Variants in GPBP1L1 observed in about 807,000 individuals in gnomAD.
GPBP1L1 encodes the protein GC-rich promoter binding protein 1 like 1.
In GPBP1L1, 23 loss-of-function variants were observed where a neutral mutation model predicts 52.5. The observed-to-expected ratio is 0.44, with a 90% CI of 0.32 to 0.62. GPBP1L1 has a LOEUF of 0.62. Ranked by LOEUF, GPBP1L1 falls within the 20% of genes least tolerant of loss-of-function variation. The probability of loss-of-function intolerance (pLI) is 0.06; values close to 1 mark genes in which losing one functional copy is unlikely to be tolerated. For synonymous variants in GPBP1L1, 243 were observed against 203.1 expected, an observed-to-expected ratio of 1.20 and a Z score of -1.67; for missense variants, 596 against 579.3, an observed-to-expected ratio of 1.03 and a Z score of -0.30.
chr1:45,673,544 A>G (rs983499515), intron 2 of GPBP1L1, among the ~76,000 whole-genome samples: 2 of 152,214 alleles, frequency 1.3e-5, no homozygotes, highest in Non-Finnish European at 2.9e-5. Context: ...ACTGTGGTTG[A>G]AAGATACACA....
At chr1:45,652,167 CAACAAAG>C (rs1426913095) in intron 6 of GPBP1L1, among the ~76,000 whole-genome samples, 1 of 152,210 alleles carries the variant, frequency 6.6e-6, no homozygotes, top group African/African-American at 2.4e-5. Flanking sequence ...CCAGTTGTGA[CAACAAAG>C]ATGTCTCCAT....
intron 6 of GPBP1L1, chr1:45,646,199 G>C (rs1644743709): frequency 3.4e-6 from 1 of 293,916 alleles, no homozygotes; most frequent in Non-Finnish European, 6.6e-6. Flanking sequence ...ACACACCATT[G>C]TGGCAGCGCG....
chr1:45,658,969 A>G (rs911402664), intron 4 of GPBP1L1, 59 bp downstream of exon 4: 2 of 1,239,078 alleles, frequency 1.6e-6, no homozygotes, highest in Non-Finnish European at 2.4e-6. Flanking sequence ...AAAAACAACC[A>G]AAACCACCCC....
At chr1:45,653,495 G>A (rs1569823568) in intron 6 of GPBP1L1, among the ~76,000 whole-genome samples, 1 of 151,838 alleles carries the variant, frequency 6.6e-6, no homozygotes, top group African/African-American at 2.4e-5. Context: ...GGCTGGGACC[G>A]CAGACATGTG....
chr1:45,640,415 A>G lies in GPBP1L1; in HGVS notation c.551-12T>C, dbSNP rs369824541. The G allele has an allele frequency of 4.5e-4, 724 of 1,606,886 alleles. 3 individuals carry two copies. In the Middle Eastern group the frequency reaches 0.011, roughly 25 times the overall value. On this transcript the variant is annotated splice_polypyrimidine_tract_variant and intron_variant, in intron 7 of 12. Transcript: ENST00000355105. ...ACTAGGCGGGTTTTCTGTGAAGTAC[A>G]AGAGTGGAGAGACAACAGAATGTCA...
At chr1:45,658,620 T>C (rs923023285) in intron 4 of GPBP1L1, 9 of 178,284 alleles carry the variant, frequency 5.0e-5, no homozygotes, top group Non-Finnish European at 1.0e-4. Flanking sequence ...TCACACGAGG[T>C]TGAATATATT....
chr1:45,670,783 ATGTC>A (rs1232145357), intron 2 of GPBP1L1, among the ~76,000 whole-genome samples: 218 of 137,180 alleles, frequency 1.6e-3, no homozygotes, highest in African/African-American at 5.6e-3. Context: ...CTACTACCAT[ATGTC>A]TTTTTTTTTT....
chr1:45,663,047 T>G (rs1267047331), intron 2 of GPBP1L1, among the ~76,000 whole-genome samples: 2 of 14,664 alleles, frequency 1.4e-4, no homozygotes, highest in South Asian at 3.9e-3. Context: ...CCAGACTCTG[T>G]CTCAAAAAAA....
chr1:45,634,612 T>C (rs201390362), intron 8 of GPBP1L1: 131 of 160,212 alleles, frequency 8.2e-4, no homozygotes, highest in Non-Finnish European at 1.1e-3. Context: ...TCCTAATTTA[T>C]TGAATCCCAA....
chr1:45,645,536 T>C (rs1288328514), intron 6 of GPBP1L1, among the ~76,000 whole-genome samples: 2 of 152,222 alleles, frequency 1.3e-5, no homozygotes, highest in Non-Finnish European at 2.9e-5. Context: ...TTTTTGGACA[T>C]GTTCTCCCCA....
intron 2 of GPBP1L1, among the ~76,000 whole-genome samples, chr1:45,668,391 C>T (rs936862183): frequency 6.6e-6 from 1 of 152,176 alleles, no homozygotes; most frequent in Non-Finnish European, 1.5e-5. Context: ...CAGTGGCTCA[C>T]GCCTGTCATC....
rs1221992061 is a variant in GPBP1L1, at chr1:45,685,556, G to C, written c.-1098+20C>G. On this transcript the variant is annotated intron_variant, in intron 2 of 12. Coordinates refer to ENST00000355105, the MANE Select transcript of GPBP1L1 (RefSeq NM_021639.5). ...CATTCTTATGTAAACTTTTGGAATA[G>C]TCAACTTTGTGAGCCTCACCTTTGT... The C allele has an allele frequency of 6.6e-6, 1 of 152,328 alleles. No homozygotes were observed. The highest frequency in any genetic ancestry group is 1.9e-4 in the East Asian group (1 of 5,190). 9.4% of individuals were successfully genotyped at this position (152,328 alleles called of 1,614,324 possible).
At chr1:45,669,505 G>C (rs185404326) in intron 2 of GPBP1L1, among the ~76,000 whole-genome samples, 1 of 152,154 alleles carries the variant, frequency 6.6e-6, no homozygotes, top group Non-Finnish European at 1.5e-5. Context: ...TCTGACTTTT[G>C]ACCAGCCTTG....
At chr1:45,638,549 CTCTTCTATCCTCTTCTCT>C (rs1644626688) in intron 8 of GPBP1L1, among the ~76,000 whole-genome samples, 1 of 152,144 alleles carries the variant, frequency 6.6e-6, no homozygotes, top group Non-Finnish European at 1.5e-5. Flanking sequence ...TTCTTTACTC[CTCTTCTATCCTCTTCTCT>C]TCTTCCATCC....
intron 5 of GPBP1L1, 25 bp downstream of exon 5, chr1:45,655,165 G>A: frequency 1.2e-6 from 2 of 1,613,720 alleles, no homozygotes; most frequent in East Asian, 2.2e-5. Flanking sequence ...CTTAAATATA[G>A]TCATGAAAGT....
intron 2 of GPBP1L1, among the ~76,000 whole-genome samples, chr1:45,663,764 T>G (rs762219001): frequency 2.0e-5 from 3 of 152,182 alleles, no homozygotes; most frequent in Non-Finnish European, 4.4e-5. Context: ...TTATGGGCAT[T>G]TTGTTTTATC....
chr1:45,630,256 T>G (rs1360080153), intron 11 of GPBP1L1, among the ~76,000 whole-genome samples: 1 of 152,096 alleles, frequency 6.6e-6, no homozygotes, highest in Non-Finnish European at 1.5e-5. Flanking sequence ...CGGCCTGAAG[T>G]TAAAAGTATT....
chr1:45,679,167 G>A (rs543449702), intron 2 of GPBP1L1, among the ~76,000 whole-genome samples: 2 of 149,976 alleles, frequency 1.3e-5, no homozygotes, highest in Non-Finnish European at 3.0e-5. Flanking sequence ...TGAGAATTGG[G>A]GCAGATAAAA....
chr1:45,628,370 C>G lies in GPBP1L1; in HGVS notation c.1311G>C (p.Gln437His). ...RNGFGKNGFL[Q>H]SRSSSLFSPW... ...GGGAGAACAGACTGGAACTGCGGCT[C>G]TGCAAGAAGCCATTCTTTCCAAAGC... The change falls in exon 13 of 13, where the codon CAG becomes CAC. Residue 437 changes from glutamine (Q) to histidine (H), a missense_variant. Gln to His is a conservative substitution (Grantham distance 24). Transcript: ENST00000355105. The G allele has an allele frequency of 1.9e-6, 3 of 1,614,076 alleles. No homozygotes were observed. The highest frequency in any genetic ancestry group is 3.3e-4 in the Middle Eastern group (2 of 6,062).
Sources: gnomAD v4.1 joint callset for allele counts (sites outside exome capture counted in the v4.1 genomes callset) on GRCh38, gnomAD v4.1.1 for gene constraint, MANE v1.5 for transcripts, NCBI Gene and HGNC (gene_info 2026-07-23, HGNC 2026-07-21) for gene names.